The following JMJD1C variants were observed in gnomAD, a reference collection of about 807,000 sequenced individuals.
JMJD1C encodes jumonji domain containing 1C.
JMJD1C carries 31 observed loss-of-function variants against 245.3 expected under a neutral mutation model. The ratio of observed to expected loss-of-function variants is 0.13; its 90% CI spans 0.09 to 0.17. The LOEUF (loss-of-function observed/expected upper bound fraction) is 0.17, where lower values mean the gene tolerates loss of function less well. Ranked by LOEUF, JMJD1C falls within the 10% of genes least tolerant of loss-of-function variation. The probability of loss-of-function intolerance (pLI) is 1.00; values close to 1 mark genes in which losing one functional copy is unlikely to be tolerated. For missense variants in JMJD1C, 2,691 were observed against 3,000.2 expected (o/e 0.90, Z 2.41); for synonymous variants, 1,057 against 1,017.4 (o/e 1.04, Z -0.74).
intron 2 of JMJD1C, among the ~76,000 whole-genome samples, chr10:63,323,802 G>A (rs531005415): frequency 5.3e-5 from 8 of 152,140 alleles, no homozygotes; most frequent in African/African-American, 1.9e-4. Context: ...ATTTGTGTGT[G>A]TTTCTCTGTG....
chr10:63,408,006 TA>T (rs1949270083), intron 1 of JMJD1C, among the ~76,000 whole-genome samples: 1 of 151,960 alleles, frequency 6.6e-6, no homozygotes, highest in Non-Finnish European at 1.5e-5. Flanking sequence ...AAGAGAAACG[TA>T]ACAGAGAAAA....
intron 18 of JMJD1C, among the ~76,000 whole-genome samples, chr10:63,188,963 T>C (rs1589096325): frequency 6.6e-6 from 1 of 152,204 alleles, no homozygotes; most frequent in African/African-American, 2.4e-5. Flanking sequence ...CGTTTCCCTA[T>C]TAATTCATAT....
rs372222287 is a variant in JMJD1C at position 63,351,936 on chromosome 10, T to A, written c.333+28382A>T. On this transcript the variant is annotated intron_variant, in intron 2 of 25. Transcript: ENST00000399262. ...GCCATCAGTGCCATCTCCCCAGATA[T>A]ACAGCAGACACAACAGCAAATCCTC... is the stretch of plus-strand genomic sequence containing the variant. Among the ~76,000 whole-genome samples the A allele has an allele frequency of 3.3e-5, 5 of 152,316 alleles. 1 individual carries two copies. In the East Asian group the frequency reaches 7.7e-4, roughly 24 times the overall value.
At chr10:63,489,442 T>C (rs547003707) in intron 1 of JMJD1C, 1 of 153,212 alleles carries the variant, frequency 6.5e-6, no homozygotes, top group South Asian at 2.1e-4. Flanking sequence ...GAGTATAAGC[T>C]ACAGCAGCAG....
At chr10:63,395,893 G>C (rs1162836831) in intron 1 of JMJD1C, among the ~76,000 whole-genome samples, 1 of 151,942 alleles carries the variant, frequency 6.6e-6, no homozygotes, top group African/African-American at 2.4e-5. Flanking sequence ...AAAAAGACAA[G>C]AAAATCTAAT....
At chr10:63,417,371 T>TA in intron 1 of JMJD1C, among the ~76,000 whole-genome samples, 1 of 152,320 alleles carries the variant, frequency 6.6e-6, no homozygotes, top group East Asian at 1.9e-4. Context: ...CCTATGTAGT[T>TA]AAATACTCAA....
intron 10 of JMJD1C, among the ~76,000 whole-genome samples, chr10:63,201,865 T>C (rs1846047633): frequency 6.7e-6 from 1 of 148,464 alleles, no homozygotes; most frequent in South Asian, 2.1e-4. Context: ...GGGAAGCAGA[T>C]GTTGCAGTGA....
chr10:63,209,326 G>C, intron 8 of JMJD1C, 91 bp from the exon 9 acceptor site: 1 of 1,043,004 alleles, frequency 9.6e-7, no homozygotes, highest in Non-Finnish European at 1.3e-6. Context: ...GTATGATCTT[G>C]GTGGTTTATT....
intron 1 of JMJD1C, among the ~76,000 whole-genome samples, chr10:63,413,563 G>A (rs756482849): frequency 6.6e-6 from 1 of 152,240 alleles, no homozygotes; most frequent in South Asian, 2.1e-4. Context: ...CTTTCTGGTG[G>A]GGGAAAGATT....
intron 1 of JMJD1C, among the ~76,000 whole-genome samples, chr10:63,384,122 C>T (rs1947415138): frequency 6.6e-6 from 1 of 152,172 alleles, no homozygotes; most frequent in Non-Finnish European, 1.5e-5. Context: ...AATGCCTCAT[C>T]CATTCAAGTT....
At chr10:63,377,091 T>A (rs1417419514) in intron 2 of JMJD1C, among the ~76,000 whole-genome samples, 1 of 152,088 alleles carries the variant, frequency 6.6e-6, no homozygotes, top group Non-Finnish European at 1.5e-5. Flanking sequence ...TATTTTGCAA[T>A]AAAAAGGAAG....
intron 2 of JMJD1C, among the ~76,000 whole-genome samples, chr10:63,332,880 A>G (rs1330300239): frequency 6.6e-6 from 1 of 152,212 alleles, no homozygotes; most frequent in African/African-American, 2.4e-5. Context: ...CTATCACGTG[A>G]AAGGCTTAGA....
At chr10:63,431,542 A>G (rs1052206201) in intron 1 of JMJD1C, among the ~76,000 whole-genome samples, 2 of 152,206 alleles carry the variant, frequency 1.3e-5, no homozygotes, top group Admixed American at 1.3e-4. Context: ...ATAATGGACT[A>G]TCCTAAAATT....
chr10:63,245,639 C>T (rs7902343), intron 3 of JMJD1C, among the ~76,000 whole-genome samples: 60,681 of 151,772 alleles, frequency 0.4, 13,228 homozygotes, highest in South Asian at 0.53. Context: ...CCTGCCACCA[C>T]GCCTGGCTAA....
intron 1 of JMJD1C, among the ~76,000 whole-genome samples, chr10:63,393,072 G>A (rs1349198113): frequency 6.6e-6 from 1 of 152,076 alleles, no homozygotes; most frequent in Non-Finnish European, 1.5e-5. Context: ...TTTGAGGCCA[G>A]CCTGGGCAAC....
In JMJD1C at chr10:63,234,828, T is replaced by C. The variant is rs558125701; in HGVS notation, c.448-14845A>G. On this transcript the variant is annotated intron_variant, in intron 3 of 25. Transcript: ENST00000399262. ...TGCTATTCTATTAGTACGACATTGA[T>C]TGTACCAGGTATTACTCAAATGAAA... Among the ~76,000 whole-genome samples, 6 of 152,110 alleles carry C rather than the reference T, an allele frequency of 3.9e-5. No individual in the cohort carries two copies. In the South Asian group the frequency reaches 6.2e-4, roughly 16 times the overall value.
At chr10:63,174,041 A>T (rs1286086238) in intron 24 of JMJD1C, among the ~76,000 whole-genome samples, 3 of 152,216 alleles carry the variant, frequency 2.0e-5, no homozygotes, top group Non-Finnish European at 4.4e-5. Flanking sequence ...GACAGTAACA[A>T]GCACTAGTGA....
intron 1 of JMJD1C, among the ~76,000 whole-genome samples, chr10:63,493,249 CTTTTTTTTTTTT>C (rs752941477): frequency 3.3e-4 from 16 of 49,136 alleles, no homozygotes; most frequent in African/African-American, 1.3e-3. Context: ...ACTGTTATTT[CTTTTTTTTTTTT>C]TTTTTTTTTT....
intron 2 of JMJD1C, among the ~76,000 whole-genome samples, chr10:63,321,494 G>A (rs1042935075): frequency 3.3e-5 from 5 of 152,204 alleles, no homozygotes; most frequent in African/African-American, 1.2e-4. Context: ...ATGTCTGCTG[G>A]AGATCTGCTA....
Sources: gnomAD v4.1 joint callset for allele counts (sites outside exome capture counted in the v4.1 genomes callset) on GRCh38, gnomAD v4.1.1 for gene constraint, MANE v1.5 for transcripts, NCBI Gene and HGNC (gene_info 2026-07-23, HGNC 2026-07-21) for gene names.